The following PIEZO2 variants were observed in gnomAD, a reference collection of about 807,000 sequenced individuals.
PIEZO2 encodes the protein piezo type mechanosensitive ion channel component 2.
Under a neutral mutation model 337.3 loss-of-function variants are expected in PIEZO2, and 172 were observed. The ratio of observed to expected loss-of-function variants is 0.51; its 90% CI spans 0.45 to 0.58. The LOEUF is 0.58. Among genes scored for constraint, PIEZO2 ranks in the 20% least tolerant of loss-of-function variants. PIEZO2 has a pLI of 0.00. For synonymous variants in PIEZO2, 1,251 were observed against 1,228.5 expected, an observed-to-expected ratio of 1.02 and a Z score of -0.38; for missense variants, 3,028 against 3,391.3, an observed-to-expected ratio of 0.89 and a Z score of 2.66.
chr18:10,865,213 G>A (rs913358969), intron 5 of PIEZO2, among the ~76,000 whole-genome samples: 5 of 152,184 alleles, frequency 3.3e-5, no homozygotes, highest in African/African-American at 9.7e-5. Context: ...TGAGCATCAA[G>A]GTCAAGAGAC....
chr18:10,711,693 A>T (rs966223742), intron 39 of PIEZO2, among the ~76,000 whole-genome samples: 4 of 152,238 alleles, frequency 2.6e-5, no homozygotes, highest in African/African-American at 4.8e-5. Flanking sequence ...TACAAATCAC[A>T]TGATGGGGCA....
intron 37 of PIEZO2, among the ~76,000 whole-genome samples, chr18:10,717,553 G>A (rs1466989189): frequency 3.3e-5 from 5 of 152,268 alleles, no homozygotes; most frequent in Admixed American, 3.3e-4. Flanking sequence ...GAGAGGGCTA[G>A]AGAGCATCGA....
In PIEZO2 at chr18:10,849,016, C is replaced by CT. The variant is rs200983956; in HGVS notation, c.917+6336dup. Among the ~76,000 whole-genome samples, 650 of 151,910 alleles carry CT rather than the reference C, an allele frequency of 4.3e-3. 6 individuals are homozygous for CT. The highest frequency in any genetic ancestry group is 0.013 in the African/African-American group (558 of 41,416). On this transcript the variant is annotated intron_variant, in intron 7 of 55. Coordinates refer to ENST00000674853, the MANE Select transcript of PIEZO2 (RefSeq NM_001378183.1). Reference sequence around the variant, plus strand: ...TTTAGAAGAATTCACCCAAGGATTCCTTTTTTTTGAGACAGAATCTCGCTC... The same window carrying CT: ...TTTAGAAGAATTCACCCAAGGATTCCTTTTTTTTTGAGACAGAATCTCGCTC...
intron 3 of PIEZO2, among the ~76,000 whole-genome samples, chr18:10,977,796 T>G (rs2145477684): frequency 6.6e-6 from 1 of 152,372 alleles, no homozygotes; most frequent in South Asian, 2.1e-4. Flanking sequence ...AACTTTATGC[T>G]AAATTAAGGA....
chr18:11,122,437 TA>T (rs1319222293), intron 1 of PIEZO2, among the ~76,000 whole-genome samples: 1 of 152,246 alleles, frequency 6.6e-6, no homozygotes, highest in East Asian at 1.9e-4. Context: ...TCACAAATTT[TA>T]CCTGAAAAAT....
chr18:10,828,803 C>T lies in PIEZO2; in HGVS notation c.918-21529G>A, dbSNP rs1403290116. Among the ~76,000 whole-genome samples the T allele has an allele frequency of 6.6e-6, 1 of 152,172 alleles. No homozygotes were observed. Among genetic ancestry groups the T allele is most frequent in the Non-Finnish European group, 1.5e-5 (1 of 68,018 alleles). The stretch of plus-strand genomic sequence containing the variant: ...GAGCTCCATCTCACCCCATCACTTC[C>T]AAGCTGCTGCATCCTCAGTGTCTGG... On this transcript the variant is annotated intron_variant, in intron 7 of 55. Coordinates refer to ENST00000674853, the MANE Select transcript of PIEZO2 (RefSeq NM_001378183.1). This position sits in a 1 kb window ranked among gnomAD's most constrained non-coding sequence, Gnocchi z 4.1.
Position 10,718,103 on chromosome 18 carries a change from C to A in PIEZO2, c.5089+97G>T. 6 of 1,058,572 alleles carry A rather than the reference C, an allele frequency of 5.7e-6. No homozygotes were observed. The South Asian group carries it at 8.4e-5, about 15-fold the overall frequency. 65.6% of individuals were successfully genotyped at this position (1,058,572 alleles called of 1,614,324 possible). On this transcript the variant is annotated intron_variant, in intron 37 of 55. Coordinates refer to ENST00000674853, the MANE Select transcript of PIEZO2 (RefSeq NM_001378183.1). ...TACTCATAGTCCAGAAAACAGTGTT[C>A]GATTCACAATTTTTCAGGCAGCCTT...
rs2041041069 is a variant in PIEZO2 at position 10,837,167 on chromosome 18, C to T, written c.917+18186G>A. Reference sequence around the variant, plus strand: ...CATGTGAGGAGGAGGGGATGGTGTGCACTCCTGTTGTGGACGGTAACAGAA... The same window carrying T: ...CATGTGAGGAGGAGGGGATGGTGTGTACTCCTGTTGTGGACGGTAACAGAA... On this transcript the variant is annotated intron_variant, in intron 7 of 55. Coordinates refer to ENST00000674853, the MANE Select transcript of PIEZO2 (RefSeq NM_001378183.1). The surrounding 1 kb of genome is among the most constrained non-coding windows in gnomAD (Gnocchi z 4.4). Among the ~76,000 whole-genome samples the T allele has an allele frequency of 1.3e-5, 2 of 152,198 alleles. No homozygotes were observed. The highest frequency in any genetic ancestry group is 4.8e-5 in the African/African-American group (2 of 41,454).
intron 2 of PIEZO2, among the ~76,000 whole-genome samples, chr18:11,045,962 C>T (rs755704050): frequency 3.4e-4 from 52 of 152,212 alleles, no homozygotes; most frequent in South Asian, 6.2e-4. Context: ...GATAGGTTGT[C>T]GCATGAATAA....
rs2034580279 is a variant in PIEZO2, at chr18:10,979,450, A to G, written c.286+85T>C. The G allele has an allele frequency of 8.1e-7, 1 of 1,231,456 alleles. No individual in the cohort carries two copies. Among genetic ancestry groups the G allele is most frequent in the Non-Finnish European group, 1.0e-6 (1 of 952,888 alleles). The allele number at this position is 1,231,456 out of a possible 1,614,324, so 76.3% of individuals were successfully genotyped here. On this transcript the variant is annotated intron_variant, in intron 3 of 55. Coordinates refer to ENST00000674853, the MANE Select transcript of PIEZO2 (RefSeq NM_001378183.1). This position sits in a 1 kb window ranked among gnomAD's most constrained non-coding sequence, Gnocchi z 4.0. The stretch of plus-strand genomic sequence containing the variant: ...TAATTTAATTATTGCATAGATTTCT[A>G]TGTGTGCGATGACACACAGCTTTAT...
intron 9 of PIEZO2, among the ~76,000 whole-genome samples, chr18:10,803,191 T>C (rs2039885428): frequency 3.9e-5 from 6 of 152,108 alleles, no homozygotes; most frequent in Admixed American, 3.9e-4. Flanking sequence ...TCATGTCAGG[T>C]GTTGGTGAGT....
chr18:10,799,157 G>A lies in PIEZO2; in HGVS notation c.1378+1180C>T, dbSNP rs145288069. Among the ~76,000 whole-genome samples, 13 of 152,318 alleles carry A rather than the reference G, an allele frequency of 8.5e-5. No homozygotes were observed. The East Asian group carries it at 1.9e-3, about 23-fold the overall frequency. On this transcript the variant is annotated intron_variant, in intron 11 of 55. Coordinates refer to ENST00000674853, the MANE Select transcript of PIEZO2 (RefSeq NM_001378183.1). ...ACCTGATAAAGAGTTATGCGAAAAG[G>A]CCCTTGGAGTATGTGTGATGTACCA...
In PIEZO2 at chr18:10,752,635, C is replaced by T; in HGVS notation, c.4167+1G>A. 1 of 1,537,034 alleles carries T rather than the reference C, an allele frequency of 6.5e-7. No homozygotes were observed. Among genetic ancestry groups the T allele is most frequent in the Non-Finnish European group, 8.7e-7 (1 of 1,146,792 alleles). On this transcript the variant is annotated splice_donor_variant, in intron 28 of 55. Transcript: ENST00000674853. LOFTEE classifies it high-confidence loss of function. ...TGTGTTATGCAGTGGCAACCACTTA[C>T]TGACAGGATATTTTTCATCGTAATC...
intron 3 of PIEZO2, among the ~76,000 whole-genome samples, chr18:10,970,336 G>C (rs937373325): frequency 3.3e-5 from 5 of 152,210 alleles, no homozygotes; most frequent in Non-Finnish European, 5.9e-5. Flanking sequence ...CATGGGGTAG[G>C]GAGAAGTACA....
chr18:11,040,393 G>C (rs1031532400), intron 2 of PIEZO2, among the ~76,000 whole-genome samples: 3 of 152,126 alleles, frequency 2.0e-5, no homozygotes, highest in Non-Finnish European at 4.4e-5. Context: ...AATAAAGGTT[G>C]AGGAGGTAAT....
intron 11 of PIEZO2, among the ~76,000 whole-genome samples, chr18:10,798,234 A>G (rs2039680195): frequency 6.6e-6 from 1 of 152,262 alleles, no homozygotes; most frequent in Non-Finnish European, 1.5e-5. Context: ...AAAGTGTGTC[A>G]TACTAAGTGC....
rs535472518 is a variant in PIEZO2 at position 10,953,621 on chromosome 18, A to G, written c.286+25914T>C. On this transcript the variant is annotated intron_variant, in intron 3 of 55. Coordinates refer to ENST00000674853, the MANE Select transcript of PIEZO2 (RefSeq NM_001378183.1). This position sits in a 1 kb window ranked among gnomAD's most constrained non-coding sequence, Gnocchi z 5.2. Reference sequence around the variant, plus strand: ...AAACTGGCTTGATTACTGTGGTTTTATAGTGCTATGATGACCTCGTATTCA... The same window carrying G: ...AAACTGGCTTGATTACTGTGGTTTTGTAGTGCTATGATGACCTCGTATTCA... 6.6e-6 allele frequency among the ~76,000 whole-genome samples: 1 copy of G among 152,184 alleles called. No individual in the cohort carries two copies. The highest frequency in any genetic ancestry group is 1.9e-4 in the East Asian group (1 of 5,172).
rs2037619352 is a variant in PIEZO2 at position 10,750,838 on chromosome 18, G to C, written c.4168-651C>G. Among the ~76,000 whole-genome samples, 1 of 152,196 alleles carries C rather than the reference G, an allele frequency of 6.6e-6. No homozygotes were observed. Among genetic ancestry groups the C allele is most frequent in the South Asian group, 2.1e-4 (1 of 4,828 alleles). On this transcript the variant is annotated intron_variant, in intron 28 of 55. Transcript: ENST00000674853. This position sits in a 1 kb window ranked among gnomAD's most constrained non-coding sequence, Gnocchi z 4.1. ...TTGTGTGCATTTCCTGGGAACATGT[G>C]AGGAAGGAGAATATCATCAGGATTT...
In PIEZO2 at chr18:10,727,220, G is replaced by A. The variant is rs117110202; in HGVS notation, c.5029+4187C>T. On this transcript the variant is annotated intron_variant, in intron 36 of 55. Coordinates refer to ENST00000674853, the MANE Select transcript of PIEZO2 (RefSeq NM_001378183.1). The surrounding 1 kb of genome is among the most constrained non-coding windows in gnomAD (Gnocchi z 6.3). ...GAGGGAAGGCATGGGGGCAGGAAGG[G>A]AGCTGAGCATTGATGGGGATGAGGG... is the stretch of plus-strand genomic sequence containing the variant. The A allele has an allele frequency of 8.5e-3, 2,499 of 292,410 alleles. 16 individuals carry two copies. The highest frequency in any genetic ancestry group is 0.011 in the Non-Finnish European group (1,809 of 159,912). The allele number at this position is 292,410 out of a possible 1,614,324, so 18.1% of individuals were successfully genotyped here.
Sources: allele counts gnomAD v4.1 joint callset (sites outside exome capture counted in the v4.1 genomes callset), GRCh38; gene constraint gnomAD v4.1.1; non-coding constraint Gnocchi (gnomAD v3.1); transcripts MANE v1.5; gene names NCBI Gene and HGNC (gene_info 2026-07-23, HGNC 2026-07-21).